Variants in PDE1C observed in about 807,000 individuals in gnomAD.
The protein encoded by PDE1C is dual specificity calcium/calmodulin-dependent 3',5'-cyclic nucleotide phosphodiesterase 1C.
A neutral mutation model predicts 93.1 loss-of-function variants in PDE1C; 62 were observed. The ratio of observed to expected loss-of-function variants is 0.67; its 90% confidence interval spans 0.54 to 0.82. The LOEUF is 0.82. Ranked by LOEUF, PDE1C falls within the 40% of genes least tolerant of loss-of-function variation. The probability of loss-of-function intolerance (pLI) is 0.00; values close to 1 mark genes in which losing one functional copy is unlikely to be tolerated. For synonymous variants in PDE1C, 325 were observed against 310.1 expected, an observed-to-expected ratio of 1.05 and a Z score of -0.50; for missense variants, 742 against 884.6, an observed-to-expected ratio of 0.84 and a Z score of 2.04.
At chr7:32,266,680 C>A (rs570133427) in intron 1 of PDE1C, among the ~76,000 whole-genome samples, 1 of 152,142 alleles carries the variant, frequency 6.6e-6, no homozygotes, top group South Asian at 2.1e-4. Flanking sequence ...CTTCTTCAGA[C>A]AGAATGGTCA....
At chr7:31,867,647 G>C (rs1011294376) in intron 6 of PDE1C, among the ~76,000 whole-genome samples, 1 of 152,158 alleles carries the variant, frequency 6.6e-6, no homozygotes. Flanking sequence ...CATGCCTACT[G>C]TTCAGGGGAC....
rs371555340 is a variant in PDE1C at position 31,847,549 on chromosome 7, T to TA, written c.980+418dup. 3.0e-3 allele frequency among the ~76,000 whole-genome samples: 442 copies of TA among 147,844 alleles called. 2 individuals are homozygous for TA. Among genetic ancestry groups the TA allele is most frequent in the African/African-American group, 9.4e-3 (380 of 40,482 alleles). ...AAAAGCAACACAAGTTTCCTAAGGTTAAAAAAAAAAGCAAATATATCCAAA... is the reference window on the plus strand; with the variant it reads ...AAAAGCAACACAAGTTTCCTAAGGTTAAAAAAAAAAAGCAAATATATCCAAA... On this transcript the variant is annotated intron_variant, in intron 9 of 17. Transcript: ENST00000396191.
chr7:32,309,903 T>C (rs1346493008), intron 1 of PDE1C, among the ~76,000 whole-genome samples: 3 of 152,184 alleles, frequency 2.0e-5, no homozygotes, highest in Admixed American at 2.0e-4. Flanking sequence ...ATAACAATGT[T>C]AACTTTAAAT....
At chr7:31,700,377 CAG>C in the PDE1C span, among the ~76,000 whole-genome samples, 1 of 152,120 alleles carries the variant, frequency 6.6e-6, no homozygotes, top group Non-Finnish European at 1.5e-5. Flanking sequence ...TTACTCTCTT[CAG>C]TTATATGAAG....
intron 16 of PDE1C, among the ~76,000 whole-genome samples, chr7:31,805,202 T>C (rs534811512): frequency 6.6e-6 from 1 of 151,752 alleles, no homozygotes; most frequent in East Asian, 2.0e-4. Context: ...TTCTCTTTCC[T>C]TTATAAATTA....
At chr7:31,980,963 G>A (rs1309847691) in intron 2 of PDE1C, among the ~76,000 whole-genome samples, 2 of 152,066 alleles carry the variant, frequency 1.3e-5, no homozygotes, top group African/African-American at 4.8e-5. Flanking sequence ...CCTATCTCAA[G>A]ACCCTTAACT....
chr7:31,802,124 T>C (rs1270257617), intron 16 of PDE1C, among the ~76,000 whole-genome samples: 3 of 151,596 alleles, frequency 2.0e-5, no homozygotes, highest in African/African-American at 7.2e-5. Context: ...TTTCTATTTG[T>C]CTCACCTGTT....
chr7:31,685,824 C>G, the PDE1C span, among the ~76,000 whole-genome samples: 64 of 152,326 alleles, frequency 4.2e-4, no homozygotes, highest in East Asian at 0.01. Context: ...ACAAGAGCAT[C>G]ACCTTTCAGC....
intron 2 of PDE1C, among the ~76,000 whole-genome samples, chr7:31,933,650 T>C (rs1264540414): frequency 6.6e-6 from 1 of 151,790 alleles, no homozygotes; most frequent in Non-Finnish European, 1.5e-5. Flanking sequence ...TGGTGGGAGG[T>C]GTTTGGGTCA....
chr7:31,736,062 A>G, the PDE1C span, among the ~76,000 whole-genome samples: 1 of 152,186 alleles, frequency 6.6e-6, no homozygotes, highest in Non-Finnish European at 1.5e-5. Flanking sequence ...TTTTCCCCAA[A>G]TATTCTCAAT....
intron 3 of PDE1C, among the ~76,000 whole-genome samples, chr7:32,159,997 G>A (rs966326826): frequency 5.9e-5 from 9 of 152,086 alleles, no homozygotes; most frequent in African/African-American, 2.2e-4. Context: ...AAGTGGCCAC[G>A]GGCTAAAGGC....
At chr7:32,323,927 A>C (rs1783350639) in intron 1 of PDE1C, among the ~76,000 whole-genome samples, 1 of 152,218 alleles carries the variant, frequency 6.6e-6, no homozygotes. Context: ...GGTCTTCTGT[A>C]CATGTGTCTC....
At chr7:31,907,525 C>T (rs993742067) in intron 2 of PDE1C, among the ~76,000 whole-genome samples, 3 of 152,088 alleles carry the variant, frequency 2.0e-5, no homozygotes, top group Non-Finnish European at 4.4e-5. Flanking sequence ...ACAAACTGGA[C>T]TATGATAAGC....
chr7:32,179,782 A>T (rs2128811205), intron 2 of PDE1C, among the ~76,000 whole-genome samples: 1 of 152,326 alleles, frequency 6.6e-6, no homozygotes, highest in Non-Finnish European at 1.5e-5. Context: ...AATCCCATTT[A>T]AATCTGACAA....
At chr7:31,956,490 T>G (rs547727450) in intron 2 of PDE1C, among the ~76,000 whole-genome samples, 2,044 of 140,250 alleles carry the variant, frequency 0.015, 18 homozygotes, top group Non-Finnish European at 0.024. Flanking sequence ...GTTCGTTTTG[T>G]TTTTTTTTTT....
intron 1 of PDE1C, among the ~76,000 whole-genome samples, chr7:32,346,313 C>T (rs1783851784): frequency 6.6e-6 from 1 of 152,230 alleles, no homozygotes. Flanking sequence ...CAGTGCATGC[C>T]AGCATGGAGG....
At chr7:31,911,368 C>T (rs117063353) in intron 2 of PDE1C, among the ~76,000 whole-genome samples, 4,510 of 152,152 alleles carry the variant, frequency 0.03, 74 homozygotes, top group South Asian at 0.072. Context: ...GGCCTTTCTA[C>T]CTGATGTGTA....
intron 3 of PDE1C, among the ~76,000 whole-genome samples, chr7:32,112,466 A>C (rs745924831): frequency 6.6e-6 from 1 of 151,750 alleles, no homozygotes; most frequent in Non-Finnish European, 1.5e-5. Context: ...TTCTTTTTTT[A>C]GTTTGTTTGT....
Position 32,191,134 on chromosome 7 carries a change from A to G in PDE1C, c.136+18355T>C, listed in dbSNP as rs1250579239. ...TCTGCAGGCCGTGAGAAGTCAGTGAAGATGTTTTCAAATTAAATTCTTTTA... is the reference window on the plus strand; with the variant it reads ...TCTGCAGGCCGTGAGAAGTCAGTGAGGATGTTTTCAAATTAAATTCTTTTA... On this transcript the variant is annotated intron_variant, in intron 2 of 18. Transcript: ENST00000396193. Among the ~76,000 whole-genome samples, 4 of 152,326 alleles carry G rather than the reference A, an allele frequency of 2.6e-5. No homozygotes were observed. In the East Asian group the frequency reaches 7.7e-4, roughly 29 times the overall value.
Sources: allele counts gnomAD v4.1 joint callset (sites outside exome capture counted in the v4.1 genomes callset), GRCh38; gene constraint gnomAD v4.1.1; transcripts MANE v1.5; gene names NCBI Gene and HGNC (gene_info 2026-07-23, HGNC 2026-07-21).